SYT1: variants seen among roughly 807,000 people sequenced by gnomAD.
SYT1 encodes synaptotagmin-1.
SYT1 carries 8 observed loss-of-function variants against 44.8 expected under a neutral mutation model. That is an observed-to-expected ratio of 0.18 (90% CI 0.10 to 0.32). SYT1 has a LOEUF of 0.32. SYT1 is among the 10% of genes least tolerant of loss of function. SYT1 has a pLI of 1.00. For missense variants in SYT1, 286 were observed against 509.3 expected (o/e 0.56, Z 4.22); for synonymous variants, 154 against 188.8 (o/e 0.82, Z 1.51).
At chr12:79,080,846 G>A (rs758746481) in intron 3 of SYT1, among the ~76,000 whole-genome samples, 5 of 152,100 alleles carry the variant, frequency 3.3e-5, no homozygotes, top group East Asian at 1.9e-4. Flanking sequence ...TCAATACTTC[G>A]TCAAAACAGT....
At chr12:79,046,568 GA>G (rs1874075788) in intron 2 of SYT1, 1 of 152,008 alleles carries the variant, frequency 6.6e-6, no homozygotes, top group Non-Finnish European at 1.5e-5. Context: ...TGCCTCTTGA[GA>G]AGGGTTTAAT....
intron 3 of SYT1, among the ~76,000 whole-genome samples, chr12:79,088,807 G>T (rs1262811724): frequency 1.3e-5 from 2 of 151,302 alleles, no homozygotes; most frequent in African/African-American, 4.9e-5. Context: ...GGGGCAGAGA[G>T]AAGTGGTCAA....
At chr12:78,883,514 T>G (rs975033924) in intron 1 of SYT1, among the ~76,000 whole-genome samples, 6 of 151,708 alleles carry the variant, frequency 4.0e-5, no homozygotes, top group Non-Finnish European at 8.9e-5. Flanking sequence ...TTCTCAGTCT[T>G]TGTTTCCCTA....
chr12:78,982,787 A>G (rs975624000), intron 2 of SYT1, among the ~76,000 whole-genome samples: 1 of 152,178 alleles, frequency 6.6e-6, no homozygotes, highest in Non-Finnish European at 1.5e-5. Flanking sequence ...GCTTGATAAT[A>G]TTTCCTACAG....
intron 3 of SYT1, among the ~76,000 whole-genome samples, chr12:79,178,909 C>T (rs576940689): frequency 7.4e-6 from 1 of 135,800 alleles, no homozygotes; most frequent in Non-Finnish European, 1.6e-5. Flanking sequence ...CCACCACACC[C>T]AGATATAGAT....
At chr12:79,341,159 C>A (rs1882355399) in intron 8 of SYT1, 1 of 152,130 alleles carries the variant, frequency 6.6e-6, no homozygotes, top group South Asian at 2.1e-4. Flanking sequence ...TTCTACAAAC[C>A]ACAGATTTTT....
intron 3 of SYT1, among the ~76,000 whole-genome samples, chr12:79,139,071 G>A (rs893177035): frequency 5.3e-5 from 8 of 152,224 alleles, no homozygotes; most frequent in East Asian, 1.9e-4. Flanking sequence ...TTTCACCAGC[G>A]TTGCCTACAC....
chr12:79,052,959 G>A (rs1800870600), intron 3 of SYT1, among the ~76,000 whole-genome samples: 2 of 152,038 alleles, frequency 1.3e-5, no homozygotes, highest in Non-Finnish European at 1.5e-5. Flanking sequence ...TGATTCCTCA[G>A]GGATCTAGAA....
intron 3 of SYT1, among the ~76,000 whole-genome samples, chr12:79,152,901 A>T (rs1870366251): frequency 6.6e-6 from 1 of 151,630 alleles, no homozygotes; most frequent in Non-Finnish European, 1.5e-5. Flanking sequence ...AAGTAAGAGA[A>T]ATTAAGACCT....
At chr12:79,282,034 AAC>A (rs1879079256) in intron 4 of SYT1, among the ~76,000 whole-genome samples, 2 of 152,264 alleles carry the variant, frequency 1.3e-5, no homozygotes, top group Non-Finnish European at 1.5e-5. Flanking sequence ...CAAAACCAGC[AAC>A]AGAGACTCTT....
chr12:79,412,763 A>T (rs918264413), intron 9 of SYT1, among the ~76,000 whole-genome samples: 1 of 152,216 alleles, frequency 6.6e-6, no homozygotes, highest in Admixed American at 6.5e-5. Context: ...TAAAGCTTTG[A>T]TATGCCAAAT....
intron 3 of SYT1, among the ~76,000 whole-genome samples, chr12:79,089,532 T>C (rs569806027): frequency 1.3e-5 from 2 of 149,922 alleles, no homozygotes; most frequent in South Asian, 4.2e-4. Flanking sequence ...AAAAAAGGCT[T>C]GTGCCCAAAC....
intron 3 of SYT1, among the ~76,000 whole-genome samples, chr12:79,190,745 A>G (rs1873065993): frequency 6.6e-6 from 1 of 152,136 alleles, no homozygotes; most frequent in Non-Finnish European, 1.5e-5. Flanking sequence ...TGGAGTTAAA[A>G]AGCTTTTCAT....
intron 3 of SYT1, among the ~76,000 whole-genome samples, chr12:79,071,723 A>G (rs1052726452): frequency 6.6e-6 from 1 of 152,028 alleles, no homozygotes; most frequent in African/African-American, 2.4e-5. Flanking sequence ...ACATAACTCT[A>G]ATTGCTGCCT....
At chr12:79,113,514 T>C (rs1013020528) in intron 3 of SYT1, among the ~76,000 whole-genome samples, 2 of 152,154 alleles carry the variant, frequency 1.3e-5, no homozygotes, top group Non-Finnish European at 2.9e-5. Context: ...GAAATTTGTG[T>C]ATTTTTTTCT....
At chr12:79,176,542 A>C (rs1377653109) in intron 3 of SYT1, among the ~76,000 whole-genome samples, 1 of 152,048 alleles carries the variant, frequency 6.6e-6, no homozygotes, top group Non-Finnish European at 1.5e-5. Flanking sequence ...AAGCTGAGTA[A>C]TTCTTTTAAC....
intron 3 of SYT1, among the ~76,000 whole-genome samples, chr12:79,069,653 A>AT (rs1475547261): frequency 6.6e-6 from 1 of 152,110 alleles, no homozygotes; most frequent in East Asian, 1.9e-4. Flanking sequence ...GTGACTTGAC[A>AT]TTGATAGAAA....
intron 3 of SYT1, among the ~76,000 whole-genome samples, chr12:79,099,588 T>G (rs1878331574): frequency 6.6e-6 from 1 of 152,186 alleles, no homozygotes; most frequent in Admixed American, 6.6e-5. Flanking sequence ...CAAAGTAGGG[T>G]TTTTAATCCT....
chr12:78,936,087 C>A (rs1878040697), intron 1 of SYT1, among the ~76,000 whole-genome samples: 1 of 151,962 alleles, frequency 6.6e-6, no homozygotes, highest in Admixed American at 6.6e-5. Flanking sequence ...ATAATAAAAT[C>A]AATTATTGAG....
Sources: allele counts gnomAD v4.1 joint callset (sites outside exome capture counted in the v4.1 genomes callset), GRCh38; gene constraint gnomAD v4.1.1; transcripts MANE v1.5; gene names NCBI Gene and HGNC (gene_info 2026-07-23, HGNC 2026-07-21).